Variants in DNAAF4 observed in about 807,000 individuals in gnomAD.
The protein encoded by DNAAF4 is dynein assembly factor 4, axonemal.
Under a neutral mutation model 51.8 loss-of-function variants are expected in DNAAF4, and 43 were observed. That is an observed-to-expected ratio of 0.83 (90% confidence interval 0.65 to 1.07). DNAAF4 has a LOEUF of 1.07. DNAAF4 is among the 50% of genes least tolerant of loss of function. DNAAF4 has a pLI of 0.00. For missense variants in DNAAF4, 581 were observed against 493.0 expected (o/e 1.18, Z -1.69); for synonymous variants, 194 against 165.6 (o/e 1.17, Z -1.32).
At chr15:55,493,348 A>G (rs184906192) in intron 3 of DNAAF4, among the ~76,000 whole-genome samples, 3 of 152,370 alleles carry the variant, frequency 2.0e-5, no homozygotes, top group East Asian at 3.9e-4. Flanking sequence ...AATATCAGTT[A>G]GAGGTAAGTA....
At chr15:55,418,075 T>G (rs370999021) in exon 8 of DNAAF4, 1 of 1,544,816 alleles carries the variant, frequency 6.5e-7, no homozygotes, top group Non-Finnish European at 8.8e-7. Flanking sequence ...ACTAGGGATA[T>G]GATGGCTTAG....
At chr15:55,479,195 C>T (rs2058375389) in intron 4 of DNAAF4, among the ~76,000 whole-genome samples, 1 of 151,360 alleles carries the variant, frequency 6.6e-6, no homozygotes, top group African/African-American at 2.4e-5. Context: ...TAAGCATAAC[C>T]ACCTAAACTG....
At chr15:55,440,898 G>C (rs942677161) in intron 6 of DNAAF4, among the ~76,000 whole-genome samples, 1 of 151,366 alleles carries the variant, frequency 6.6e-6, no homozygotes, top group African/African-American at 2.4e-5. Flanking sequence ...GGCCAGGCTG[G>C]TCTCAAACTC....
At chr15:55,475,270 C>T (rs1388503452) in intron 4 of DNAAF4, among the ~76,000 whole-genome samples, 2 of 152,084 alleles carry the variant, frequency 1.3e-5, no homozygotes, top group Non-Finnish European at 2.9e-5. Flanking sequence ...AATTCCCCTC[C>T]ACAAATATTA....
chr15:55,499,980 A>T (rs1039367678), intron 1 of DNAAF4, among the ~76,000 whole-genome samples: 1 of 152,238 alleles, frequency 6.6e-6, no homozygotes, highest in Non-Finnish European at 1.5e-5. Context: ...AAAACAGTGA[A>T]TGTATACAAT....
chr15:55,463,170 T>TCACACACACA (rs754178816), intron 5 of DNAAF4, among the ~76,000 whole-genome samples: 239 of 120,052 alleles, frequency 2.0e-3, no homozygotes, highest in African/African-American at 3.4e-3. Context: ...TGAGACTCTG[T>TCACACACACA]CTCACACACA....
At chr15:55,481,514 T>C (rs533656114) in intron 4 of DNAAF4, among the ~76,000 whole-genome samples, 5 of 152,328 alleles carry the variant, frequency 3.3e-5, no homozygotes, top group East Asian at 1.9e-4. Context: ...CAAATGATCA[T>C]GCAGCAGGGC....
At chr15:55,485,270 A>C (rs2058471143) in intron 4 of DNAAF4, among the ~76,000 whole-genome samples, 1 of 152,262 alleles carries the variant, frequency 6.6e-6, no homozygotes, top group Admixed American at 6.5e-5. Context: ...ATGAGATGAA[A>C]GAAAAAAGAA....
intron 3 of DNAAF4, among the ~76,000 whole-genome samples, chr15:55,494,360 C>T (rs1052741149): frequency 2.0e-5 from 3 of 151,840 alleles, no homozygotes; most frequent in Non-Finnish European, 4.4e-5. Context: ...GAATCTCAAA[C>T]CTGGTTTCTG....
chr15:55,435,684 T>A (rs913133375), intron 7 of DNAAF4, among the ~76,000 whole-genome samples: 1 of 152,236 alleles, frequency 6.6e-6, no homozygotes, highest in Non-Finnish European at 1.5e-5. Context: ...TTTGGTTACT[T>A]GCAATGGATA....
intron 6 of DNAAF4, among the ~76,000 whole-genome samples, chr15:55,444,739 T>C (rs1446036356): frequency 1.3e-5 from 2 of 152,234 alleles, no homozygotes; most frequent in African/African-American, 2.4e-5. Context: ...TGGTTTGTAG[T>C]TCTCCTTGAA....
At chr15:55,440,686 C>CT (rs11453787) in intron 6 of DNAAF4, among the ~76,000 whole-genome samples, 148,380 of 151,482 alleles carry the variant, frequency 0.98, 72,734 homozygotes, top group East Asian at 1. Flanking sequence ...CATTATTAAA[C>CT]TTTTTTTCTT....
intron 3 of DNAAF4, among the ~76,000 whole-genome samples, chr15:55,494,071 C>G: frequency 6.6e-6 from 1 of 151,420 alleles, no homozygotes; most frequent in South Asian, 2.1e-4. Context: ...CTCTTGTTGC[C>G]CAGGCTGAAG....
At chr15:55,457,360 C>T (rs1438768845) in intron 5 of DNAAF4, among the ~76,000 whole-genome samples, 1 of 152,008 alleles carries the variant, frequency 6.6e-6, no homozygotes, top group Non-Finnish European at 1.5e-5. Flanking sequence ...ATTCCATTGG[C>T]CTGAGAATCC....
chr15:55,483,679 T>G (rs1177889165), intron 4 of DNAAF4, among the ~76,000 whole-genome samples: 1 of 151,766 alleles, frequency 6.6e-6, no homozygotes. Flanking sequence ...TAGCTGGGAT[T>G]ACAAGTGCAC....
chr15:55,464,336 G>A (rs893529240), intron 5 of DNAAF4, among the ~76,000 whole-genome samples: 15 of 152,150 alleles, frequency 9.9e-5, no homozygotes, highest in Non-Finnish European at 1.5e-5. Context: ...TCTAAGACCT[G>A]AAATCATAAA....
intron 5 of DNAAF4, among the ~76,000 whole-genome samples, chr15:55,458,305 T>C (rs1358718550): frequency 6.6e-6 from 1 of 151,524 alleles, no homozygotes; most frequent in African/African-American, 2.4e-5. Flanking sequence ...AGGATATGAA[T>C]GGAAAAGTCT....
intron 1 of DNAAF4, among the ~76,000 whole-genome samples, chr15:55,505,642 C>T (rs987921075): frequency 3.3e-5 from 5 of 152,144 alleles, no homozygotes; most frequent in African/African-American, 4.8e-5. Context: ...TGGAAACCAT[C>T]ACTCTCAGCA....
intron 1 of DNAAF4, among the ~76,000 whole-genome samples, chr15:55,504,522 T>C (rs1017374677): frequency 1.3e-5 from 2 of 152,150 alleles, no homozygotes; most frequent in Non-Finnish European, 2.9e-5. Flanking sequence ...CTTCAAACTA[T>C]ACTACAAGGC....
Sources: gnomAD v4.1 joint callset for allele counts (sites outside exome capture counted in the v4.1 genomes callset) on GRCh38, gnomAD v4.1.1 for gene constraint, MANE v1.5 for transcripts, NCBI Gene and HGNC (gene_info 2026-07-23, HGNC 2026-07-21) for gene names.